RHOA: variants seen among roughly 807,000 people sequenced by gnomAD.
RHOA encodes the protein ras homolog family member A, also known as transforming protein RhoA.
Under a neutral mutation model 17.5 loss-of-function variants are expected in RHOA, and 3 were observed. The observed-to-expected ratio is 0.17, with a 90% CI of 0.08 to 0.44. RHOA has a LOEUF of 0.44. Ranked by LOEUF, RHOA falls within the 20% of genes least tolerant of loss-of-function variation. The pLI, the probability that RHOA is intolerant of heterozygous loss-of-function variation, is 0.99. For synonymous variants in RHOA, 98 were observed against 88.4 expected, an observed-to-expected ratio of 1.11 and a Z score of -0.61; for missense variants, 56 against 242.3, an observed-to-expected ratio of 0.23 and a Z score of 5.10.
chr3:49,365,018 G>A (rs2048031935), intron 3 of RHOA: 1 of 151,994 alleles, frequency 6.6e-6, no homozygotes, highest in South Asian at 2.1e-4. Context: ...ATACAACCAT[G>A]ACCCACCTCT....
chr3:49,366,943 T>A (rs2048066016), intron 3 of RHOA: 1 of 152,018 alleles, frequency 6.6e-6, no homozygotes, highest in Non-Finnish European at 1.5e-5. Flanking sequence ...CAGCACAAGT[T>A]TATTAATAGA....
At chr3:49,384,161 C>G (rs1197715339) in intron 1 of RHOA, among the ~76,000 whole-genome samples, 1 of 152,126 alleles carries the variant, frequency 6.6e-6, no homozygotes, top group Admixed American at 6.6e-5. Flanking sequence ...AAATGAAAGC[C>G]TAAGTGATTT....
chr3:49,408,298 A>G (rs1401480907), intron 1 of RHOA, among the ~76,000 whole-genome samples: 1 of 152,068 alleles, frequency 6.6e-6, no homozygotes, highest in Non-Finnish European at 1.5e-5. Context: ...GTATATATAC[A>G]TATACACACA....
chr3:49,368,990 A>AC (rs2048104177), intron 2 of RHOA, among the ~76,000 whole-genome samples: 1 of 108,918 alleles, frequency 9.2e-6, no homozygotes, highest in Non-Finnish European at 1.8e-5. Context: ...TGCAGGCGTG[A>AC]CCCACCGCGC....
At chr3:49,386,551 G>A (rs1040946055) in intron 1 of RHOA, among the ~76,000 whole-genome samples, 3 of 152,094 alleles carry the variant, frequency 2.0e-5, no homozygotes, top group African/African-American at 4.8e-5. Flanking sequence ...TAAGCAATCC[G>A]TTTCAGAGTA....
chr3:49,408,138 G>A (rs1051680028), intron 1 of RHOA, among the ~76,000 whole-genome samples: 1 of 147,540 alleles, frequency 6.8e-6, no homozygotes, highest in African/African-American at 2.5e-5. Context: ...TGGCCCGGAC[G>A]ACAGAGTGAG....
At chr3:49,387,662 G>A (rs930668805) in intron 1 of RHOA, among the ~76,000 whole-genome samples, 2 of 150,064 alleles carry the variant, frequency 1.3e-5, no homozygotes, top group Non-Finnish European at 3.0e-5. Context: ...GGAGAATGGT[G>A]TGAACCCGGG....
At chr3:49,395,466 T>A (rs1441176852) in intron 1 of RHOA, among the ~76,000 whole-genome samples, 1 of 152,104 alleles carries the variant, frequency 6.6e-6, no homozygotes, top group Non-Finnish European at 1.5e-5. Context: ...ATCCCGGCAC[T>A]TTGGGAGACT....
chr3:49,360,221 G>A lies in RHOA; in HGVS notation c.570C>T (p.Cys190=). 2 of 1,613,146 alleles carry A rather than the reference G, an allele frequency of 1.2e-6. No individual in the cohort carries two copies. The highest frequency in any genetic ancestry group is 1.7e-6 in the Non-Finnish European group (2 of 1,179,744). Residue 190 remains cysteine (C), a synonymous_variant, in exon 5 of 5, where the codon TGC becomes TGT. Coordinates refer to ENST00000418115, the MANE Select transcript of RHOA (RefSeq NM_001664.4). ...QARRGKKKSG[C]LVL ...TTGCAGCAAGGTTTCACAAGACAAG[G>A]CACCCAGATTTTTTCTTCCCACGTC... is the stretch of plus-strand genomic sequence containing the variant.
chr3:49,379,912 G>A (rs2048290331), intron 1 of RHOA, among the ~76,000 whole-genome samples: 1 of 152,186 alleles, frequency 6.6e-6, no homozygotes, highest in South Asian at 2.1e-4. Flanking sequence ...CCCCAGTGGG[G>A]GGAAAAAAGA....
At chr3:49,362,973 T>G (rs1358564744) in intron 3 of RHOA, among the ~76,000 whole-genome samples, 1 of 152,206 alleles carries the variant, frequency 6.6e-6, no homozygotes, top group Non-Finnish European at 1.5e-5. Context: ...CATCTGTCAC[T>G]GCTGGTAGAT....
At chr3:49,411,228 G>A (rs1459649869) in intron 1 of RHOA, among the ~76,000 whole-genome samples, 2 of 151,944 alleles carry the variant, frequency 1.3e-5, no homozygotes, top group African/African-American at 4.8e-5. Context: ...GCGCGTTCCA[G>A]GTGGTATGGC....
intron 2 of RHOA, among the ~76,000 whole-genome samples, chr3:49,372,606 C>T (rs531744536): frequency 1.3e-5 from 2 of 151,934 alleles, no homozygotes; most frequent in African/African-American, 2.4e-5. Context: ...TGGTGGCGGG[C>T]GCCTGTAGTC....
At chr3:49,387,542 G>C (rs1272323393) in intron 1 of RHOA, among the ~76,000 whole-genome samples, 1 of 150,540 alleles carries the variant, frequency 6.6e-6, no homozygotes, top group Non-Finnish European at 1.5e-5. Flanking sequence ...TCAGCATAGA[G>C]ACCATCCTGG....
intron 1 of RHOA, among the ~76,000 whole-genome samples, chr3:49,403,713 G>A (rs964219944): frequency 9.2e-5 from 14 of 152,004 alleles, no homozygotes; most frequent in African/African-American, 2.9e-4. Flanking sequence ...GACAGAACAA[G>A]GCCCTATGTC....
intron 1 of RHOA, among the ~76,000 whole-genome samples, chr3:49,385,929 T>C (rs181056158): frequency 4.6e-5 from 7 of 152,278 alleles, no homozygotes; most frequent in Non-Finnish European, 8.8e-5. Context: ...CCTATTCCAT[T>C]GGTCTATATT....
intron 2 of RHOA, 61 bp downstream of exon 2, chr3:49,375,372 AC>A: frequency 6.6e-7 from 1 of 1,503,784 alleles, no homozygotes. Flanking sequence ...CTAATTCTCT[AC>A]ATGCTCCATA....
At chr3:49,390,628 A>G (rs1363653905) in intron 1 of RHOA, among the ~76,000 whole-genome samples, 1 of 152,174 alleles carries the variant, frequency 6.6e-6, no homozygotes, top group Admixed American at 6.6e-5. Flanking sequence ...TCAACATGTA[A>G]AAGGAAAATA....
intron 1 of RHOA, among the ~76,000 whole-genome samples, chr3:49,400,211 C>CA (rs1396381544): frequency 7.1e-4 from 17 of 23,918 alleles, no homozygotes; most frequent in African/African-American, 2.0e-3. Flanking sequence ...GACTCCATCT[C>CA]AAAAAAAAAA....
Sources: allele counts gnomAD v4.1 joint callset (sites outside exome capture counted in the v4.1 genomes callset), GRCh38; gene constraint gnomAD v4.1.1; transcripts MANE v1.5; gene names NCBI Gene and HGNC (gene_info 2026-07-23, HGNC 2026-07-21).